PTPRD: variants seen among roughly 807,000 people sequenced by gnomAD.
The protein encoded by PTPRD is protein tyrosine phosphatase receptor type D.
In PTPRD, 34 loss-of-function variants were observed where a neutral mutation model predicts 214.5. That is an observed-to-expected ratio of 0.16 (90% CI 0.12 to 0.21). The LOEUF is 0.21. Among genes scored for constraint, PTPRD ranks in the 10% least tolerant of loss-of-function variants. The pLI is 1.00. For synonymous variants in PTPRD, 1,128 were observed against 845.7 expected (o/e 1.33, Z -5.79); for missense variants, 2,545 against 2,398.7 (o/e 1.06, Z -1.27).
intron 11 of PTPRD, among the ~76,000 whole-genome samples, chr9:8,975,309 C>A (rs1186067769): frequency 6.6e-6 from 1 of 151,938 alleles, no homozygotes; most frequent in African/African-American, 2.4e-5. Flanking sequence ...CACTTTGTTT[C>A]AAGAACATTT....
intron 7 of PTPRD, among the ~76,000 whole-genome samples, chr9:9,656,438 T>C (rs1401825470): frequency 1.3e-5 from 2 of 152,092 alleles, no homozygotes; most frequent in African/African-American, 4.8e-5. Flanking sequence ...TAAAAAGAAA[T>C]GATCTCCTAA....
intron 3 of PTPRD, among the ~76,000 whole-genome samples, chr9:10,269,961 G>A (rs918897695): frequency 6.6e-5 from 10 of 151,972 alleles, no homozygotes; most frequent in Admixed American, 2.0e-4. Context: ...ATTCAAATAG[G>A]GAAATACAGA....
chr9:9,468,904 T>C (rs17831559), intron 8 of PTPRD, among the ~76,000 whole-genome samples: 79,583 of 151,814 alleles, frequency 0.52, 20,960 homozygotes, highest in East Asian at 0.69. Flanking sequence ...CAGGGCAAAT[T>C]CTCATGTGTA....
intron 3 of PTPRD, among the ~76,000 whole-genome samples, chr9:10,107,190 C>T (rs534280671): frequency 6.6e-6 from 1 of 151,940 alleles, no homozygotes; most frequent in African/African-American, 2.4e-5. Context: ...CAGATGGAAA[C>T]GGTAAATGAA....
At chr9:10,123,275 T>C (rs1277666981) in intron 3 of PTPRD, among the ~76,000 whole-genome samples, 1 of 152,222 alleles carries the variant, frequency 6.6e-6, no homozygotes, top group African/African-American at 2.4e-5. Context: ...CAATAGACTT[T>C]AATTATAAAA....
chr9:9,088,570 A>G lies in PTPRD; in HGVS notation c.-142-69835T>C, dbSNP rs146898916. Among the ~76,000 whole-genome samples the G allele has an allele frequency of 3.0e-3, 365 of 122,692 alleles. 3 individuals carry two copies. The highest frequency in any genetic ancestry group is 0.011 in the African/African-American group (342 of 32,378). 80.5% of individuals were successfully genotyped at this position (122,692 alleles called of 152,430 possible). A position where few individuals can be genotyped will look rare whatever the true frequency, so the allele number is the denominator to read the frequency against. On this transcript the variant is annotated intron_variant, in intron 10 of 45. Transcript: ENST00000381196. Reference sequence around the variant, plus strand: ...ACTCCAGCCTGGGCGACAGAGTGAGACTTAGTCTCAGAAAAAAAAAAAAAA... The same window carrying G: ...ACTCCAGCCTGGGCGACAGAGTGAGGCTTAGTCTCAGAAAAAAAAAAAAAA...
chr9:8,426,306 T>C (rs1392539185), intron 35 of PTPRD, among the ~76,000 whole-genome samples: 2 of 152,172 alleles, frequency 1.3e-5, no homozygotes, highest in South Asian at 2.1e-4. Flanking sequence ...TAGCTACTAA[T>C]TGGCCCAGTC....
At chr9:10,091,870 C>T (rs1053069869) in intron 3 of PTPRD, among the ~76,000 whole-genome samples, 1 of 151,302 alleles carries the variant, frequency 6.6e-6, no homozygotes, top group Non-Finnish European at 1.5e-5. Flanking sequence ...GTTACCAGAA[C>T]CTGTCCTTTT....
intron 14 of PTPRD, among the ~76,000 whole-genome samples, chr9:8,555,868 C>G (rs961292586): frequency 6.6e-6 from 1 of 152,128 alleles, no homozygotes; most frequent in African/African-American, 2.4e-5. Flanking sequence ...CACTGGACCA[C>G]GGGTCAAGGT....
intron 5 of PTPRD, among the ~76,000 whole-genome samples, chr9:9,784,882 A>C (rs1302376019): frequency 6.6e-6 from 1 of 151,022 alleles, no homozygotes; most frequent in East Asian, 1.9e-4. Flanking sequence ...ACACACACGC[A>C]CACACCTATA....
At chr9:10,458,024 C>G (rs1406351987) in intron 2 of PTPRD, among the ~76,000 whole-genome samples, 1 of 151,858 alleles carries the variant, frequency 6.6e-6, no homozygotes, top group African/African-American at 2.4e-5. Flanking sequence ...AAAGCCTGAA[C>G]AGACCAATAA....
rs1000951346 is a variant in PTPRD, at chr9:9,458,160, TAAATTACAC to T, written c.-236-60687_-236-60679del. ...TGTTTTCAGAGCATAGAAGTTCCTT[TAAATTACAC>T]TCTAGATATAATCTAGGTACGATTA... is the stretch of plus-strand genomic sequence containing the variant. On this transcript the variant is annotated intron_variant, in intron 8 of 45. Coordinates refer to ENST00000381196, the MANE Select transcript of PTPRD (RefSeq NM_002839.4). Among the ~76,000 whole-genome samples the T allele has an allele frequency of 3.6e-4, 55 of 152,140 alleles. 1 individual carries two copies. Among genetic ancestry groups the T allele is most frequent in the Admixed American group, 2.9e-3 (45 of 15,266 alleles).
rs2136312423 is a variant in PTPRD at position 8,492,974 on chromosome 9, C to A, written c.2355G>T (p.Met785Ile). 6.2e-7 allele frequency: 1 copy of A among 1,611,452 alleles called. No homozygotes were observed. The highest frequency in any genetic ancestry group is 1.1e-5 in the South Asian group (1 of 90,934). The change falls in exon 27 of 46, where the codon ATG becomes ATT. Residue 785 changes from methionine to isoleucine, a missense_variant. Met to Ile is a conservative substitution (Grantham distance 10). Coordinates refer to ENST00000381196, the MANE Select transcript of PTPRD (RefSeq NM_002839.4). ...TTTCAGGCTGGAGCCCAGAAATGATCATGTCCTGAAATGACAAAATAGAAT... is the reference window on the plus strand; with the variant it reads ...TTTCAGGCTGGAGCCCAGAAATGATAATGTCCTGAAATGACAAAATAGAAT... The part of the protein sequence containing the change: ...WEFDDTTEHD[M>I]IISGLQPETS...
intron 2 of PTPRD, among the ~76,000 whole-genome samples, chr9:10,381,736 G>A (rs956953927): frequency 6.6e-6 from 1 of 151,880 alleles, no homozygotes; most frequent in African/African-American, 2.4e-5. Context: ...TTGGCTCTGT[G>A]TGACTTTTAT....
At chr9:8,842,088 G>A (rs543115470) in intron 11 of PTPRD, among the ~76,000 whole-genome samples, 1 of 150,136 alleles carries the variant, frequency 6.7e-6, no homozygotes, top group East Asian at 1.9e-4. Flanking sequence ...GTATAACAAT[G>A]AGAATGAAAA....
intron 3 of PTPRD, among the ~76,000 whole-genome samples, chr9:10,078,514 T>TAAAA (rs71485315): frequency 1.3e-3 from 104 of 78,508 alleles, no homozygotes; most frequent in Non-Finnish European, 1.8e-3. Context: ...AGACTCCATC[T>TAAAA]AAAAAAAAAA....
At chr9:9,812,563 C>T (rs2047464810) in intron 5 of PTPRD, among the ~76,000 whole-genome samples, 1 of 110,532 alleles carries the variant, frequency 9.0e-6, no homozygotes, top group South Asian at 2.5e-4. Context: ...CAAAATCTGT[C>T]ACAAAAAAAG....
At chr9:10,212,589 T>C (rs1328084394) in intron 3 of PTPRD, among the ~76,000 whole-genome samples, 2 of 152,122 alleles carry the variant, frequency 1.3e-5, no homozygotes, top group African/African-American at 4.8e-5. Context: ...CTCAAAAGCA[T>C]AGTTAGATAT....
intron 3 of PTPRD, among the ~76,000 whole-genome samples, chr9:10,270,270 T>G (rs1247249399): frequency 6.6e-6 from 1 of 152,186 alleles, no homozygotes; most frequent in Non-Finnish European, 1.5e-5. Context: ...AGCAATAGTT[T>G]TTTTGAAAAT....
Sources: allele counts gnomAD v4.1 joint callset (sites outside exome capture counted in the v4.1 genomes callset), GRCh38; gene constraint gnomAD v4.1.1; transcripts MANE v1.5; gene names NCBI Gene and HGNC (gene_info 2026-07-23, HGNC 2026-07-21).